The following LIN7C variants were observed in gnomAD, a reference collection of about 807,000 sequenced individuals.
LIN7C encodes lin-7 cell polarity scaffold C.
In LIN7C, 17 loss-of-function variants were observed where a neutral mutation model predicts 24.7. The ratio of observed to expected loss-of-function variants is 0.69; its 90% CI spans 0.47 to 1.03. The LOEUF (loss-of-function observed/expected upper bound fraction) is 1.03, where lower values mean the gene tolerates loss of function less well. Ranked by LOEUF, LIN7C falls within the 50% of genes least tolerant of loss-of-function variation. The pLI, the probability that LIN7C is intolerant of heterozygous loss-of-function variation, is 0.00. For missense variants in LIN7C, 204 were observed against 239.0 expected (o/e 0.85, Z 0.97); for synonymous variants, 90 against 83.4 (o/e 1.08, Z -0.43).
At chr11:27,505,770 CA>C (rs1865278811) in intron 1 of LIN7C, among the ~76,000 whole-genome samples, 1 of 152,198 alleles carries the variant, frequency 6.6e-6, no homozygotes, top group African/African-American at 2.4e-5. Flanking sequence ...CCTACATATA[CA>C]TTTTTTTTTA....
chr11:27,502,565 C>T (rs1223888724), intron 1 of LIN7C, among the ~76,000 whole-genome samples: 1 of 152,094 alleles, frequency 6.6e-6, no homozygotes, highest in East Asian at 1.9e-4. Flanking sequence ...AGCTCCAACA[C>T]TTATGTTTAC....
chr11:27,498,452 T>A lies in LIN7C; in HGVS notation c.*197A>T. 1 of 526,788 alleles carries A rather than the reference T, an allele frequency of 1.9e-6. No homozygotes were observed. Among genetic ancestry groups the A allele is most frequent in the Admixed American group, 3.8e-5 (1 of 26,370 alleles). The allele number at this position is 526,788 out of a possible 1,614,324, so 32.6% of individuals were successfully genotyped here. The stretch of plus-strand genomic sequence containing the variant: ...CAGAATTGCCCTCATCACCTTTTAC[T>A]TTTTCTTGTCAGAAAAAAGTGTATG... On this transcript the variant is annotated 3_prime_UTR_variant, in exon 5 of 5. Coordinates refer to ENST00000278193, the MANE Select transcript of LIN7C (RefSeq NM_018362.4).
At chr11:27,506,516 A>G (rs1366734628) in intron 1 of LIN7C, among the ~76,000 whole-genome samples, 200 bp downstream of exon 1, 1 of 152,196 alleles carries the variant, frequency 6.6e-6, no homozygotes, top group Non-Finnish European at 1.5e-5. Context: ...GTGTGAACAG[A>G]GGAGGGCTTA....
In LIN7C at chr11:27,500,549, A is replaced by AT. The variant is rs553923586; in HGVS notation, c.228+945dup. 5.9e-3 allele frequency among the ~76,000 whole-genome samples: 905 copies of AT among 152,208 alleles called. 5 individuals carry two copies. The highest frequency in any genetic ancestry group is 0.024 in the Middle Eastern group (7 of 294). On this transcript the variant is annotated intron_variant, in intron 3 of 4. Transcript: ENST00000278193. ...AATCCAAACTAATTATAAAGTTGAG[A>AT]TTTTGTTTCACTTTGCTTTAAAGGG...
At position 27,497,089 on chromosome 11, in the gene LIN7C, T is replaced by C. The variant is rs1865178811; in HGVS notation, c.*1560A>G. 6.6e-6 allele frequency: 1 copy of C among 152,544 alleles called. No individual in the cohort carries two copies. The highest frequency in any genetic ancestry group is 6.5e-5 in the Admixed American group (1 of 15,276). The allele number at this position is 152,544 out of a possible 1,614,324, so 9.4% of individuals were successfully genotyped here. A position where few individuals can be genotyped will look rare whatever the true frequency, so the allele number is the denominator to read the frequency against. ...CATTTTGTAGTGGATTAAAGACACA[T>C]TCAACCATGCAATCCAGTGTTCAAT... On this transcript the variant is annotated 3_prime_UTR_variant, in exon 5 of 5. Transcript: ENST00000278193.
rs1865230686 is a variant in LIN7C at position 27,501,982 on chromosome 11, G to C, written c.38-62C>G. 3 of 986,146 alleles carry C rather than the reference G, an allele frequency of 3.0e-6. No homozygotes were observed. In the Admixed American group the frequency reaches 5.8e-5, roughly 19 times the overall value. 61.1% of individuals were successfully genotyped at this position (986,146 alleles called of 1,614,324 possible). On this transcript the variant is annotated intron_variant, in intron 1 of 4. Transcript: ENST00000278193. ...GGGTTTTCTCAATGCCTATGTAACA[G>C]TGGGGCAGTTAGGATTCATTCCTCA...
At position 27,497,240 on chromosome 11, in the gene LIN7C, T is replaced by C. The variant is rs1590439101; in HGVS notation, c.*1409A>G. 6.6e-6 allele frequency: 1 copy of C among 152,610 alleles called. No homozygotes were observed. The highest frequency in any genetic ancestry group is 2.4e-5 in the African/African-American group (1 of 41,464). 9.5% of individuals were successfully genotyped at this position (152,610 alleles called of 1,614,324 possible). ...AAAAAGCATACAATTCTATTCTTCC[T>C]GAAGGAATGTTACAAAATGCCCACT... On this transcript the variant is annotated 3_prime_UTR_variant, in exon 5 of 5. Coordinates refer to ENST00000278193, the MANE Select transcript of LIN7C (RefSeq NM_018362.4).
intron 3 of LIN7C, among the ~76,000 whole-genome samples, chr11:27,500,144 G>A (rs1865209387): frequency 6.6e-6 from 1 of 152,072 alleles, no homozygotes; most frequent in Non-Finnish European, 1.5e-5. Context: ...GTGCAGTCCT[G>A]TATGCGCAGG....
chr11:27,500,196 G>T (rs6484307), intron 3 of LIN7C, among the ~76,000 whole-genome samples: 1 of 151,898 alleles, frequency 6.6e-6, no homozygotes, highest in African/African-American at 2.4e-5. Context: ...TATTGTACAT[G>T]GTAAGGAGGA....
intron 3 of LIN7C, among the ~76,000 whole-genome samples, chr11:27,500,721 T>A (rs370834028): frequency 6.6e-6 from 1 of 152,202 alleles, no homozygotes; most frequent in South Asian, 2.1e-4. Flanking sequence ...AGGCCTCATT[T>A]TTCAGATAAT....
At chr11:27,501,443 T>C (rs1865224957) in intron 3 of LIN7C, 52 bp downstream of exon 3, 4 of 1,124,644 alleles carry the variant, frequency 3.6e-6, no homozygotes. Flanking sequence ...CTCCATATTT[T>C]AAACTTCTAA....
intron 1 of LIN7C, 101 bp from the exon 2 acceptor site, chr11:27,502,021 T>C: frequency 1.4e-6 from 1 of 705,366 alleles, no homozygotes; most frequent in Non-Finnish European, 2.5e-6. Context: ...GCAAATAATA[T>C]ACAGACAATC....
At chr11:27,503,291 A>G (rs561101158) in intron 1 of LIN7C, among the ~76,000 whole-genome samples, 52 of 152,344 alleles carry the variant, frequency 3.4e-4, no homozygotes, top group African/African-American at 1.2e-3. Context: ...TAACACTGTT[A>G]ACTATCTCTA....
intron 3 of LIN7C, among the ~76,000 whole-genome samples, chr11:27,501,246 T>C (rs1865222760): frequency 6.6e-6 from 1 of 152,152 alleles, no homozygotes; most frequent in Non-Finnish European, 1.5e-5. Context: ...ATACATATTG[T>C]ATGCAAGTAC....
chr11:27,505,098 C>T (rs12362567), intron 1 of LIN7C, among the ~76,000 whole-genome samples: 63,755 of 152,108 alleles, frequency 0.42, 15,915 homozygotes, highest in Non-Finnish European at 0.56. Context: ...TTTGGGAAGC[C>T]GAGGCGGGCG....
chr11:27,499,301 A>T, intron 4 of LIN7C, 58 bp downstream of exon 4: 1 of 1,427,876 alleles, frequency 7.0e-7, no homozygotes, highest in South Asian at 1.2e-5. Flanking sequence ...TATTACTCAA[A>T]TACGCCCCCA....
intron 1 of LIN7C, among the ~76,000 whole-genome samples, chr11:27,505,793 C>A (rs1331277941): frequency 2.0e-5 from 3 of 152,234 alleles, no homozygotes; most frequent in Admixed American, 2.0e-4. Context: ...CACCAGTACT[C>A]AAAATGTTTA....
At chr11:27,502,152 C>T (rs1362047146) in intron 1 of LIN7C, among the ~76,000 whole-genome samples, 2 of 152,098 alleles carry the variant, frequency 1.3e-5, no homozygotes, top group African/African-American at 4.8e-5. Context: ...ATAGGAAAAA[C>T]TACTGAGATT....
At chr11:27,502,368 T>C (rs1300793266) in intron 1 of LIN7C, among the ~76,000 whole-genome samples, 1 of 152,156 alleles carries the variant, frequency 6.6e-6, no homozygotes, top group African/African-American at 2.4e-5. Flanking sequence ...TACAAGGCAC[T>C]ATAAGCTAGT....
Sources: allele counts gnomAD v4.1 joint callset (sites outside exome capture counted in the v4.1 genomes callset), GRCh38; gene constraint gnomAD v4.1.1; transcripts MANE v1.5; gene names NCBI Gene and HGNC (gene_info 2026-07-23, HGNC 2026-07-21).